The following NHSL1 variants were observed in gnomAD, a reference collection of about 807,000 sequenced individuals.
NHSL1 encodes NHS like 1.
In NHSL1, 48 loss-of-function variants were observed where a neutral mutation model predicts 95.0. The observed-to-expected ratio is 0.51, with a 90% CI of 0.40 to 0.64. The LOEUF (loss-of-function observed/expected upper bound fraction) is 0.64. Among genes scored for constraint, NHSL1 ranks in the 30% least tolerant of loss-of-function variants. The probability of loss-of-function intolerance (pLI) is 0.00; values close to 1 mark genes in which losing one functional copy is unlikely to be tolerated. For synonymous variants in NHSL1, 783 were observed against 833.9 expected, an observed-to-expected ratio of 0.94 and a Z score of 1.05; for missense variants, 1,971 against 2,077.7, an observed-to-expected ratio of 0.95 and a Z score of 1.00.
At chr6:138,553,814 C>T (rs4482997) in intron 1 of NHSL1, among the ~76,000 whole-genome samples, 19,500 of 152,126 alleles carry the variant, frequency 0.13, 2,575 homozygotes, top group African/African-American at 0.34. Flanking sequence ...GATTAATAAT[C>T]TGAAAGAGTC....
At chr6:138,515,628 A>G (rs1051631016) in intron 1 of NHSL1, among the ~76,000 whole-genome samples, 8 of 152,260 alleles carry the variant, frequency 5.3e-5, no homozygotes, top group Non-Finnish European at 1.0e-4. Context: ...GATGCAATAA[A>G]GAAATAAACT....
chr6:138,616,530 C>CAG (rs147079893), intron 1 of NHSL1, among the ~76,000 whole-genome samples: 527 of 148,624 alleles, frequency 3.5e-3, no homozygotes, highest in African/African-American at 7.4e-3. Context: ...CAGGCAGAGA[C>CAG]AGAGAGAGAG....
chr6:138,583,141 C>A (rs761862819), intron 1 of NHSL1, among the ~76,000 whole-genome samples: 21 of 152,144 alleles, frequency 1.4e-4, no homozygotes, highest in Non-Finnish European at 2.9e-4. Flanking sequence ...TGGCTGGTCA[C>A]CTTGGCGGTG....
At chr6:138,537,075 C>A (rs928118933) in intron 1 of NHSL1, among the ~76,000 whole-genome samples, 2 of 152,292 alleles carry the variant, frequency 1.3e-5, no homozygotes, top group Non-Finnish European at 2.9e-5. Context: ...TTTCTCTCTT[C>A]CTGATGTGGA....
rs562742036 is a variant in NHSL1 at position 138,688,675 on chromosome 6, AC to A, written c.96+3800del. Among the ~76,000 whole-genome samples, 358 of 152,014 alleles carry A rather than the reference AC, an allele frequency of 2.4e-3. 2 individuals carry two copies. Among genetic ancestry groups the A allele is most frequent in the African/African-American group, 7.7e-3 (320 of 41,472 alleles). The stretch of plus-strand genomic sequence containing the variant: ...TTAAAATAAAAATAAAAAAATAGAA[AC>A]AGACTATTTGATCGAGTGTCTATTG... On this transcript the variant is annotated intron_variant, in intron 1 of 3. Transcript: ENST00000491526.
chr6:138,653,943 T>A (rs547460270), intron 1 of NHSL1, among the ~76,000 whole-genome samples: 1 of 152,214 alleles, frequency 6.6e-6, no homozygotes, highest in African/African-American at 2.4e-5. Flanking sequence ...AGTGATGCAG[T>A]AGCAACCACA....
At chr6:138,429,955 A>C in intron 6 of NHSL1, 112 bp from the exon 7 acceptor site, 1 of 1,067,978 alleles carries the variant, frequency 9.4e-7, no homozygotes, top group Non-Finnish European at 1.3e-6. Flanking sequence ...TGAGAACCAC[A>C]GGGAGATGCC....
chr6:138,557,490 G>A (rs1349550181), intron 1 of NHSL1, among the ~76,000 whole-genome samples: 4 of 152,154 alleles, frequency 2.6e-5, no homozygotes, highest in Admixed American at 1.3e-4. Flanking sequence ...GTACACTGTC[G>A]AAAGAGAAAG....
Position 138,447,124 on chromosome 6 carries a change from C to T in NHSL1, c.409G>A (p.Asp137Asn), listed in dbSNP as rs1316129052. The change falls in exon 4 of 8, where the codon GAC (aspartate) becomes AAC (asparagine). Residue 137 changes from aspartate (D) to asparagine (N), a missense_variant. This residue lies in a region of NHSL1 where 1,602 missense variants were observed against 1,654.5 expected (regional missense o/e 0.97). Coordinates refer to ENST00000343505, the MANE Select transcript of NHSL1 (RefSeq NM_001144060.2). ...GTCTGAGTATTAAGGTCGGAGAAGT[C>T]ACTTGAGGCTGGTGTTTTAGGTCTC... ...IRRPKTPASS[D>N]FSDLNTQTNW... The T allele has an allele frequency of 9.0e-6, 14 of 1,551,668 alleles. No individual in the cohort carries two copies. The Admixed American group carries it at 2.7e-4, about 30-fold the overall frequency.
chr6:138,651,944 A>C (rs1013717190), intron 1 of NHSL1, among the ~76,000 whole-genome samples: 10 of 152,314 alleles, frequency 6.6e-5, no homozygotes, highest in Middle Eastern at 3.4e-3. Flanking sequence ...CAATAAGTAT[A>C]CTCAATGTTA....
intron 1 of NHSL1, among the ~76,000 whole-genome samples, chr6:138,643,091 T>C (rs1201952900): frequency 2.0e-5 from 3 of 152,310 alleles, no homozygotes; most frequent in South Asian, 4.1e-4. Context: ...GCCAATACGA[T>C]AGATAGTGAG....
intron 2 of NHSL1, among the ~76,000 whole-genome samples, chr6:138,485,446 T>TAAA (rs768633258): frequency 8.7e-6 from 1 of 115,534 alleles, no homozygotes; most frequent in African/African-American, 3.2e-5. Context: ...TGCTTACCGT[T>TAAA]AAAAAAAAAA....
chr6:138,460,495 C>T (rs1777923208), intron 3 of NHSL1, among the ~76,000 whole-genome samples: 1 of 151,314 alleles, frequency 6.6e-6, no homozygotes, highest in Admixed American at 6.6e-5. Flanking sequence ...TCATTATTCC[C>T]TAAACAATAC....
intron 1 of NHSL1, among the ~76,000 whole-genome samples, chr6:138,666,826 G>C (rs756286284): frequency 1.3e-5 from 2 of 152,180 alleles, no homozygotes; most frequent in Non-Finnish European, 2.9e-5. Context: ...GCTCTGAAGA[G>C]AGGCATGCAG....
upstream of NHSL1, among the ~76,000 whole-genome samples, chr6:138,547,210 C>T (rs1183317593): frequency 6.6e-6 from 1 of 151,990 alleles, no homozygotes; most frequent in African/African-American, 2.4e-5. Flanking sequence ...TCCCTGTCAC[C>T]ATGAATCACC....
intron 1 of NHSL1, among the ~76,000 whole-genome samples, chr6:138,609,142 A>G (rs566466718): frequency 6.6e-6 from 1 of 152,334 alleles, no homozygotes; most frequent in South Asian, 2.1e-4. Context: ...TAAATATATT[A>G]CTTACAAATA....
At chr6:138,476,307 T>C (rs1779062334) in intron 2 of NHSL1, among the ~76,000 whole-genome samples, 1 of 152,142 alleles carries the variant, frequency 6.6e-6, no homozygotes, top group East Asian at 1.9e-4. Context: ...TGGAATACTA[T>C]GCAGCCATAA....
At chr6:138,429,901 G>C in intron 6 of NHSL1, 58 bp from the exon 7 acceptor site, 2 of 1,502,642 alleles carry the variant, frequency 1.3e-6, no homozygotes, top group East Asian at 5.0e-5. Context: ...TCAGTCCTCA[G>C]CCAAGCTTCT....
At chr6:138,444,650 C>A (rs897794954) in intron 4 of NHSL1, among the ~76,000 whole-genome samples, 1 of 151,352 alleles carries the variant, frequency 6.6e-6, no homozygotes, top group Admixed American at 6.6e-5. Flanking sequence ...CCCCAGCGAA[C>A]GAGCACATGA....
Sources: allele counts gnomAD v4.1 joint callset (sites outside exome capture counted in the v4.1 genomes callset), GRCh38; gene constraint gnomAD v4.1.1; regional missense constraint gnomAD v4.1.1; transcripts MANE v1.5; gene names NCBI Gene and HGNC (gene_info 2026-07-23, HGNC 2026-07-21).